RRAGB: variants seen among roughly 807,000 people sequenced by gnomAD.
RRAGB encodes the protein ras-related GTP-binding protein B.
Under a neutral mutation model 29.3 loss-of-function variants are expected in RRAGB, and 6 were observed. The ratio of observed to expected loss-of-function variants is 0.21; its 90% CI spans 0.11 to 0.40. RRAGB has a LOEUF of 0.40. Among genes scored for constraint, RRAGB ranks in the 10% least tolerant of loss-of-function variants. The pLI is 1.00. For missense variants in RRAGB, 184 were observed against 272.9 expected (o/e 0.67, Z 2.29); for synonymous variants, 101 against 92.5 (o/e 1.09, Z -0.53).
chrX:55,721,718 G>T (rs889012742), intron 2 of RRAGB, among the ~76,000 whole-genome samples: 11 of 111,885 alleles, frequency 9.8e-5, no homozygotes, highest in Non-Finnish European at 1.1e-4. Flanking sequence ...TGGAATAAGA[G>T]CATAGAGGTA....
At position 55,729,145 on chromosome X, in the gene RRAGB, C is replaced by T. The variant is rs2033583859; in HGVS notation, c.227-149C>T. ...AGGTGCCTACCTTGCCACTAAACCA[C>T]ACTACTCAGCTGAAAATCACCTTCT... On this transcript the variant is annotated intron_variant, in intron 3 of 9. Coordinates refer to ENST00000374941, the MANE Select transcript of RRAGB (RefSeq NM_006064.5). The T allele has an allele frequency of 9.1e-6, 4 of 438,248 alleles. No homozygotes were observed. In the Admixed American group the frequency reaches 1.4e-4, roughly 15 times the overall value. 36.1% of individuals were successfully genotyped at this position (438,248 alleles called of 1,213,427 possible).
intron 5 of RRAGB, among the ~76,000 whole-genome samples, chrX:55,740,794 G>A (rs943563071): frequency 9.0e-6 from 1 of 111,215 alleles, no homozygotes; most frequent in African/African-American, 3.3e-5. Context: ...TGGTTCCCCC[G>A]GGATTCAGAA....
At chrX:55,718,461 C>A in intron 1 of RRAGB, 42 bp downstream of exon 1, 1 of 886,978 alleles carries the variant, frequency 1.1e-6, no homozygotes, top group Non-Finnish European at 1.6e-6. Flanking sequence ...TGGGGGTGTT[C>A]AAATTGAAGA....
rs749631631 is a variant in RRAGB, at chrX:55,718,356, C to T, written c.29C>T (p.Thr10Met). Residue 10 changes from threonine (T) to methionine (M), a missense_variant, in exon 1 of 10, where the codon ACG (threonine) becomes ATG (methionine). Transcript: ENST00000374941. ...GAAGAATCTGACTCTGAGAAAACGACGGAGAAAGAAAATCTGGGGCCGAGA... is the reference window on the plus strand; with the variant it reads ...GAAGAATCTGACTCTGAGAAAACGATGGAGAAAGAAAATCTGGGGCCGAGA... MEESDSEKT[T>M]EKENLGPRMD... 8.3e-7 allele frequency: 1 copy of T among 1,205,169 alleles called. No homozygotes were observed. Among genetic ancestry groups the T allele is most frequent in the Admixed American group, 2.2e-5 (1 of 45,591 alleles).
At chrX:55,749,511 G>C (rs2147120534) in intron 5 of RRAGB, among the ~76,000 whole-genome samples, 1 of 111,418 alleles carries the variant, frequency 9.0e-6, no homozygotes, top group African/African-American at 3.2e-5. Flanking sequence ...CCTCTGCCCG[G>C]CCACCACCCC....
intron 6 of RRAGB, 87 bp downstream of exon 6, chrX:55,751,283 A>G: frequency 2.1e-6 from 1 of 477,083 alleles, no homozygotes; most frequent in Non-Finnish European, 3.4e-6. Context: ...ATTTTAAACT[A>G]TTTCATAGCC....
intron 3 of RRAGB, among the ~76,000 whole-genome samples, chrX:55,725,347 G>C (rs762668859): frequency 9.0e-6 from 1 of 111,500 alleles, no homozygotes; most frequent in Non-Finnish European, 1.9e-5. Context: ...TATTATGTTG[G>C]TCTTAAGGCT....
chrX:55,731,493 A>G lies in RRAGB; in HGVS notation c.423A>G (p.Ser141=), dbSNP rs2033678580. The change falls in exon 5 of 10, where the codon TCA becomes TCG. Residue 141 remains serine (S), a synonymous_variant. Transcript: ENST00000374941. ...ELEKDMHYYQ[S]CLEAILQNSP... ...AAAAGGACATGCACTATTACCAATC[A>G]TGCCTGGAGGCCATTCTGCAGAATT... 4.1e-6 allele frequency: 5 copies of G among 1,209,006 alleles called. No individual in the cohort carries two copies. The highest frequency in any genetic ancestry group is 5.6e-6 in the Non-Finnish European group (5 of 893,394).
chrX:55,728,275 A>G (rs1046440557), intron 3 of RRAGB, among the ~76,000 whole-genome samples: 1 of 112,048 alleles, frequency 8.9e-6, no homozygotes, highest in Non-Finnish European at 1.9e-5. Flanking sequence ...CTGCATGGCA[A>G]ATGAACCAGA....
chrX:55,755,078 G>T (rs1384165352), intron 7 of RRAGB: 1 of 751,265 alleles, frequency 1.3e-6, no homozygotes, highest in Admixed American at 8.8e-5. Context: ...ACCAAGTTTA[G>T]ATGTGACTGA....
At chrX:55,729,231 T>G (rs2033586941) in intron 3 of RRAGB, 63 bp from the exon 4 acceptor site, 1 of 815,626 alleles carries the variant, frequency 1.2e-6, no homozygotes, top group Admixed American at 2.2e-5. Flanking sequence ...GGTTAGTGCT[T>G]TGCTTATTTT....
chrX:55,724,477 A>G (rs1602011776), intron 3 of RRAGB, among the ~76,000 whole-genome samples: 1 of 111,741 alleles, frequency 8.9e-6, no homozygotes, highest in Non-Finnish European at 1.9e-5. Flanking sequence ...TGTACATTTG[A>G]TGAATATCTC....
chrX:55,757,799 A>G (rs750796570), intron 9 of RRAGB, among the ~76,000 whole-genome samples: 30 of 111,524 alleles, frequency 2.7e-4, no homozygotes, highest in African/African-American at 8.5e-4. Context: ...GCATATTCCT[A>G]TGTACCACAT....
At chrX:55,724,806 G>C (rs966268481) in intron 3 of RRAGB, among the ~76,000 whole-genome samples, 7 of 111,554 alleles carry the variant, frequency 6.3e-5, no homozygotes, top group African/African-American at 2.3e-4. Context: ...TAAAGAAGGA[G>C]GTACAACTTA....
At chrX:55,738,796 T>C (rs924407180) in intron 5 of RRAGB, among the ~76,000 whole-genome samples, 8 of 111,643 alleles carry the variant, frequency 7.2e-5, no homozygotes, top group African/African-American at 2.6e-4. Context: ...TCTCAGGCGA[T>C]GGGCAAGGCC....
At chrX:55,739,477 T>C (rs1026235328) in intron 5 of RRAGB, among the ~76,000 whole-genome samples, 1 of 111,997 alleles carries the variant, frequency 8.9e-6, no homozygotes, top group African/African-American at 3.2e-5. Flanking sequence ...TACCGCTCTT[T>C]TTCATATACT....
intron 3 of RRAGB, among the ~76,000 whole-genome samples, chrX:55,722,934 A>G (rs1456374058): frequency 9.0e-6 from 1 of 111,350 alleles, no homozygotes; most frequent in African/African-American, 3.3e-5. Flanking sequence ...GCATTCAAGC[A>G]TTTCTGGATT....
chrX:55,727,270 C>G lies in RRAGB; in HGVS notation c.227-2024C>G, dbSNP rs997883440. 2.6e-6 allele frequency: 3 copies of G among 1,149,989 alleles called. No individual in the cohort carries two copies. The African/African-American group carries it at 5.4e-5, about 21-fold the overall frequency. 94.8% of individuals were successfully genotyped at this position (1,149,989 alleles called of 1,213,427 possible). A position where few individuals can be genotyped will look rare whatever the true frequency, so the allele number is the denominator to read the frequency against. On this transcript the variant is annotated intron_variant, in intron 3 of 9. Coordinates refer to ENST00000374941, the MANE Select transcript of RRAGB (RefSeq NM_006064.5). Reference sequence around the variant, plus strand: ...TGTCACTTCTTTTGTTATTGTCTTTCCCTTTCTCAGTAGCACTTCTTTCCA... The same window carrying G: ...TGTCACTTCTTTTGTTATTGTCTTTGCCTTTCTCAGTAGCACTTCTTTCCA...
intron 5 of RRAGB, among the ~76,000 whole-genome samples, chrX:55,740,344 A>AT (rs2034017772): frequency 9.0e-6 from 1 of 110,944 alleles, no homozygotes; most frequent in South Asian, 3.8e-4. Context: ...AATCATTGTG[A>AT]TTTTGAACCA....
Sources: gnomAD v4.1 joint callset for allele counts (sites outside exome capture counted in the v4.1 genomes callset) on GRCh38, gnomAD v4.1.1 for gene constraint, MANE v1.5 for transcripts, NCBI Gene and HGNC (gene_info 2026-07-23, HGNC 2026-07-21) for gene names.